OPCML: variants seen among roughly 807,000 people sequenced by gnomAD.
OPCML encodes opioid binding protein/cell adhesion molecule like, also known as opioid-binding protein/cell adhesion molecule.
OPCML carries 13 observed loss-of-function variants against 37.8 expected under a neutral mutation model. That is an observed-to-expected ratio of 0.34 (90% CI 0.22 to 0.55). OPCML has a LOEUF of 0.55. Among genes scored for constraint, OPCML ranks in the 20% least tolerant of loss-of-function variants. The probability of loss-of-function intolerance (pLI) is 0.91; values close to 1 mark genes in which losing one functional copy is unlikely to be tolerated. For synonymous variants in OPCML, 176 were observed against 168.8 expected (o/e 1.04, Z -0.33); for missense variants, 341 against 435.6 (o/e 0.78, Z 1.93).
intron 2 of OPCML, among the ~76,000 whole-genome samples, chr11:132,765,991 T>C (rs1946431365): frequency 6.6e-6 from 1 of 152,068 alleles, no homozygotes; most frequent in Non-Finnish European, 1.5e-5. Context: ...GCCAGCTTGA[T>C]GGGACACTAT....
chr11:133,450,037 C>A (rs895680559), intron 1 of OPCML, among the ~76,000 whole-genome samples: 2 of 151,702 alleles, frequency 1.3e-5, no homozygotes, highest in African/African-American at 2.4e-5. Context: ...ACATATCTTA[C>A]ACTTTCCTGC....
intron 3 of OPCML, among the ~76,000 whole-genome samples, chr11:132,630,575 G>A (rs1158226343): frequency 1.3e-5 from 2 of 152,014 alleles, no homozygotes; most frequent in African/African-American, 4.8e-5. Flanking sequence ...AGAGCAGAGA[G>A]CATATACCAC....
chr11:132,484,321 T>G (rs566191756), intron 4 of OPCML, among the ~76,000 whole-genome samples: 1 of 152,310 alleles, frequency 6.6e-6, no homozygotes, highest in Admixed American at 6.5e-5. Flanking sequence ...GAAAAAATGC[T>G]CACCATCACT....
chr11:132,981,140 C>T (rs957522647), intron 1 of OPCML, among the ~76,000 whole-genome samples: 2 of 152,208 alleles, frequency 1.3e-5, no homozygotes, highest in Non-Finnish European at 2.9e-5. Context: ...AACGTCGTTA[C>T]GCAGTGCATG....
At chr11:132,701,987 A>G (rs1943844537) in intron 2 of OPCML, among the ~76,000 whole-genome samples, 1 of 152,160 alleles carries the variant, frequency 6.6e-6, no homozygotes, top group African/African-American at 2.4e-5. Flanking sequence ...TTGTGTTGAT[A>G]TCACAATTTA....
At chr11:132,916,212 A>T (rs1339183069) in intron 2 of OPCML, among the ~76,000 whole-genome samples, 2 of 152,136 alleles carry the variant, frequency 1.3e-5, no homozygotes, top group African/African-American at 2.4e-5. Context: ...AAGCCTCTTT[A>T]TACTCCTTGG....
intron 3 of OPCML, among the ~76,000 whole-genome samples, chr11:132,652,301 C>T (rs1454475803): frequency 6.6e-6 from 1 of 151,522 alleles, no homozygotes; most frequent in Non-Finnish European, 1.5e-5. Flanking sequence ...GAGCTTTGTC[C>T]TCAATTTCTG....
At chr11:132,656,796 C>T (rs1941728888) in intron 3 of OPCML, among the ~76,000 whole-genome samples, 2 of 152,204 alleles carry the variant, frequency 1.3e-5, no homozygotes, top group African/African-American at 2.4e-5. Flanking sequence ...GTATCTCACT[C>T]CAGCTCCAGA....
Position 133,502,877 on chromosome 11 carries a change from A to C in OPCML, c.61+29387T>G, listed in dbSNP as rs73587639. On this transcript the variant is annotated intron_variant, in intron 1 of 7. Transcript: ENST00000524381. ...GAAGAAGGCCTTCTGGATGGGACTG[A>C]GGAGGGCCAGCCATCCTGGTTTTCC... Among the ~76,000 whole-genome samples, 536 of 152,306 alleles carry C rather than the reference A, an allele frequency of 3.5e-3. 5 individuals carry two copies. Among genetic ancestry groups the C allele is most frequent in the Middle Eastern group, 0.017 (5 of 294 alleles).
intron 4 of OPCML, among the ~76,000 whole-genome samples, chr11:132,504,618 G>A (rs1432412673): frequency 6.6e-6 from 1 of 151,860 alleles, no homozygotes; most frequent in Non-Finnish European, 1.5e-5. Flanking sequence ...AGGCTGGCAG[G>A]TTAAATGTAG....
chr11:132,901,124 G>A (rs1181131293), intron 2 of OPCML, among the ~76,000 whole-genome samples: 2 of 151,978 alleles, frequency 1.3e-5, no homozygotes, highest in Admixed American at 6.6e-5. Context: ...AGGTTACAGG[G>A]AGCCACCATC....
At chr11:133,151,150 G>A (rs1323317970) in intron 1 of OPCML, among the ~76,000 whole-genome samples, 1 of 151,928 alleles carries the variant, frequency 6.6e-6, no homozygotes, top group Non-Finnish European at 1.5e-5. Context: ...GTGCACGCCT[G>A]TTATCCCAGC....
At chr11:132,585,311 G>T (rs2137665247) in intron 3 of OPCML, among the ~76,000 whole-genome samples, 1 of 151,972 alleles carries the variant, frequency 6.6e-6, no homozygotes, top group Middle Eastern at 3.4e-3. Flanking sequence ...ATACTGATTG[G>T]TTAATATAGG....
In OPCML at chr11:132,626,488, A is replaced by AT. The variant is rs574178137; in HGVS notation, c.379+30598dup. Among the ~76,000 whole-genome samples the AT allele has an allele frequency of 6.6e-5, 10 of 152,300 alleles. 1 individual carries two copies. Among genetic ancestry groups the AT allele is most frequent in the African/African-American group, 2.4e-4 (10 of 41,562 alleles). On this transcript the variant is annotated intron_variant, in intron 3 of 7. Coordinates refer to ENST00000524381, the MANE Select transcript of OPCML (RefSeq NM_001012393.5). The stretch of plus-strand genomic sequence containing the variant: ...AAAGAAATAAGATTAATATGACTAG[A>AT]TTTTGATGTTAAAAATATATGTATG...
At chr11:133,025,351 A>G in intron 1 of OPCML, 2 of 985,332 alleles carry the variant, frequency 2.0e-6, no homozygotes, top group Non-Finnish European at 2.4e-6. Context: ...TAAGTTTTCG[A>G]TTATATAACT....
intron 1 of OPCML, among the ~76,000 whole-genome samples, chr11:133,387,667 A>T (rs1945084963): frequency 6.6e-6 from 1 of 152,258 alleles, no homozygotes; most frequent in African/African-American, 2.4e-5. Context: ...GCTGTATTCC[A>T]AGCATTTCTT....
At chr11:132,777,664 G>C (rs1166809453) in intron 2 of OPCML, among the ~76,000 whole-genome samples, 1 of 152,150 alleles carries the variant, frequency 6.6e-6, no homozygotes, top group Non-Finnish European at 1.5e-5. Context: ...GCGCCAAAAA[G>C]ATAAATCGGC....
intron 4 of OPCML, among the ~76,000 whole-genome samples, chr11:132,510,966 C>T (rs982311857): frequency 6.6e-6 from 1 of 152,018 alleles, no homozygotes; most frequent in South Asian, 2.1e-4. Context: ...TACTGGAGAA[C>T]TGAGCCAGTA....
At chr11:132,671,500 G>A (rs1942474940) in intron 2 of OPCML, among the ~76,000 whole-genome samples, 1 of 152,150 alleles carries the variant, frequency 6.6e-6, no homozygotes, top group Non-Finnish European at 1.5e-5. Flanking sequence ...TAATATGGGA[G>A]GAAGAGGGTA....
Sources: gnomAD v4.1 joint callset for allele counts (sites outside exome capture counted in the v4.1 genomes callset) on GRCh38, gnomAD v4.1.1 for gene constraint, MANE v1.5 for transcripts, NCBI Gene and HGNC (gene_info 2026-07-23, HGNC 2026-07-21) for gene names.